Variants in MAP4K3 observed in about 807,000 individuals in gnomAD.
MAP4K3 encodes the protein mitogen-activated protein kinase kinase kinase kinase 3, also known as MAPK/ERK kinase kinase kinase 3.
Under a neutral mutation model 143.5 loss-of-function variants are expected in MAP4K3, and 94 were observed. The ratio of observed to expected loss-of-function variants is 0.65; its 90% CI spans 0.55 to 0.78. The LOEUF (loss-of-function observed/expected upper bound fraction) is 0.78, where lower values mean the gene tolerates loss of function less well. Ranked by LOEUF, MAP4K3 falls within the 30% of genes least tolerant of loss-of-function variation. The pLI is 0.00. For missense variants in MAP4K3, 1,077 were observed against 1,068.1 expected (o/e 1.01, Z -0.12); for synonymous variants, 416 against 347.2 (o/e 1.20, Z -2.20).
At chr2:39,415,647 T>G (rs772408052) in intron 1 of MAP4K3, among the ~76,000 whole-genome samples, 38 of 152,038 alleles carry the variant, frequency 2.5e-4, no homozygotes, top group Non-Finnish European at 4.4e-4. Context: ...TCATTAATGG[T>G]ACTTAATATA....
intron 1 of MAP4K3, among the ~76,000 whole-genome samples, chr2:39,412,691 T>C (rs568453576): frequency 6.6e-6 from 1 of 152,240 alleles, no homozygotes; most frequent in African/African-American, 2.4e-5. Flanking sequence ...GTAGTTAACG[T>C]TTATGAAGTA....
intron 16 of MAP4K3, among the ~76,000 whole-genome samples, chr2:39,296,147 C>A (rs1682273416): frequency 6.6e-6 from 1 of 152,130 alleles, no homozygotes. Context: ...TATTTTAATT[C>A]ATTTACCTAT....
At chr2:39,369,306 C>T (rs1214931602) in intron 2 of MAP4K3, among the ~76,000 whole-genome samples, 2 of 148,432 alleles carry the variant, frequency 1.3e-5, no homozygotes, top group Non-Finnish European at 3.0e-5. Flanking sequence ...AGTGATTCTC[C>T]TGCCTCAGCC....
chr2:39,405,710 AT>A (rs1667075723), intron 1 of MAP4K3, among the ~76,000 whole-genome samples: 2 of 152,162 alleles, frequency 1.3e-5, no homozygotes, highest in African/African-American at 4.8e-5. Context: ...TCTACAAAAA[AT>A]ACAAACATTA....
intron 2 of MAP4K3, among the ~76,000 whole-genome samples, chr2:39,376,835 C>T (rs1379100765): frequency 6.6e-6 from 1 of 152,200 alleles, no homozygotes; most frequent in African/African-American, 2.4e-5. Context: ...GAAGGCCCTG[C>T]TTTAAATGCC....
intron 1 of MAP4K3, among the ~76,000 whole-genome samples, chr2:39,379,479 G>T (rs1485968798): frequency 6.6e-6 from 1 of 151,912 alleles, no homozygotes; most frequent in Non-Finnish European, 1.5e-5. Flanking sequence ...AGACAGTGCT[G>T]GATACTAGTT....
chr2:39,417,526 G>C (rs1018469903), intron 1 of MAP4K3, among the ~76,000 whole-genome samples: 1 of 152,040 alleles, frequency 6.6e-6, no homozygotes, highest in Non-Finnish European at 1.5e-5. Context: ...CCGAAAGCCA[G>C]GTTTCTTACT....
At chr2:39,351,872 C>T (rs1432481890) in intron 3 of MAP4K3, among the ~76,000 whole-genome samples, 1 of 152,080 alleles carries the variant, frequency 6.6e-6, no homozygotes, top group African/African-American at 2.4e-5. Context: ...AGTTTTGCCA[C>T]GTTGGCCAGG....
intron 1 of MAP4K3, among the ~76,000 whole-genome samples, chr2:39,408,611 G>T (rs1232886160): frequency 1.5e-5 from 2 of 135,806 alleles, no homozygotes; most frequent in Non-Finnish European, 3.1e-5. Context: ...GTCAGTCAAG[G>T]AAATCATGAA....
chr2:39,370,786 G>C (rs1666059532), intron 2 of MAP4K3, among the ~76,000 whole-genome samples: 1 of 152,054 alleles, frequency 6.6e-6, no homozygotes, highest in Non-Finnish European at 1.5e-5. Flanking sequence ...ATGAATCACT[G>C]TTATCTATCT....
intron 1 of MAP4K3, among the ~76,000 whole-genome samples, chr2:39,413,551 T>C (rs376857902): frequency 2.0e-5 from 3 of 152,064 alleles, no homozygotes. Flanking sequence ...GTCACTACAA[T>C]GACTGCAATT....
intron 22 of MAP4K3, 114 bp downstream of exon 22, chr2:39,282,399 A>T: frequency 1.2e-6 from 1 of 842,506 alleles, no homozygotes; most frequent in Non-Finnish European, 1.9e-6. Context: ...AATCTTATAG[A>T]TTTTTTTTCA....
chr2:39,342,745 C>G (rs985700052), intron 4 of MAP4K3, among the ~76,000 whole-genome samples: 3 of 151,672 alleles, frequency 2.0e-5, no homozygotes, highest in Non-Finnish European at 4.4e-5. Context: ...AGCCCAAATT[C>G]TATGAAAAAA....
At chr2:39,418,424 GA>G (rs1667452432) in intron 1 of MAP4K3, among the ~76,000 whole-genome samples, 2 of 152,234 alleles carry the variant, frequency 1.3e-5, no homozygotes, top group Middle Eastern at 3.4e-3. Flanking sequence ...CCCTACAGAA[GA>G]ATTTCAAGTA....
At chr2:39,412,464 C>CA (rs931293568) in intron 1 of MAP4K3, among the ~76,000 whole-genome samples, 22 of 151,390 alleles carry the variant, frequency 1.5e-4, no homozygotes, top group African/African-American at 4.4e-4. Flanking sequence ...GAAATAAAAA[C>CA]AAAAAAAATT....
At chr2:39,282,489 G>A (rs766140322) in intron 22 of MAP4K3, 24 bp downstream of exon 22, 8 of 1,595,170 alleles carry the variant, frequency 5.0e-6, no homozygotes, top group Non-Finnish European at 6.9e-6. Context: ...TTGAAACTTA[G>A]CCTACTCCAT....
intron 1 of MAP4K3, among the ~76,000 whole-genome samples, chr2:39,435,640 G>T (rs959120717): frequency 2.1e-4 from 32 of 152,142 alleles, no homozygotes; most frequent in African/African-American, 6.8e-4. Flanking sequence ...TTATTTAAAT[G>T]GCTATTTAAT....
At chr2:39,335,957 TAGAGAA>T (rs1664943689) in intron 6 of MAP4K3, among the ~76,000 whole-genome samples, 1 of 151,836 alleles carries the variant, frequency 6.6e-6, no homozygotes, top group Admixed American at 6.6e-5. Context: ...ATCTTTATGT[TAGAGAA>T]AATGTTAGAA....
intron 12 of MAP4K3, among the ~76,000 whole-genome samples, chr2:39,320,180 A>T (rs1336648832): frequency 6.6e-6 from 1 of 152,204 alleles, no homozygotes; most frequent in Admixed American, 6.5e-5. Context: ...GTTAAATATA[A>T]ATAAATAGTC....
Sources: gnomAD v4.1 joint callset for allele counts (sites outside exome capture counted in the v4.1 genomes callset) on GRCh38, gnomAD v4.1.1 for gene constraint, MANE v1.5 for transcripts, NCBI Gene and HGNC (gene_info 2026-07-23, HGNC 2026-07-21) for gene names.